KLHL1: variants seen among roughly 807,000 people sequenced by gnomAD.
KLHL1 encodes the protein kelch like family member 1.
KLHL1 carries 47 observed loss-of-function variants against 77.7 expected under a neutral mutation model. The ratio of observed to expected loss-of-function variants is 0.60; its 90% CI spans 0.48 to 0.77. The LOEUF is 0.77. KLHL1 is among the 30% of genes least tolerant of loss of function. The pLI, the probability that KLHL1 is intolerant of heterozygous loss-of-function variation, is 0.00. For synonymous variants in KLHL1, 360 were observed against 325.2 expected (o/e 1.11, Z -1.15); for missense variants, 925 against 910.8 (o/e 1.02, Z -0.20).
intron 4 of KLHL1, among the ~76,000 whole-genome samples, chr13:69,900,467 C>T (rs1231205729): frequency 6.6e-6 from 1 of 152,294 alleles, no homozygotes; most frequent in African/African-American, 2.4e-5. Context: ...ATGTGGATTT[C>T]GGATTAGCGT....
At chr13:69,758,242 AT>A (rs1395469381) in intron 7 of KLHL1, among the ~76,000 whole-genome samples, 1 of 151,982 alleles carries the variant, frequency 6.6e-6, no homozygotes, top group Non-Finnish European at 1.5e-5. Context: ...AGATAAACCA[AT>A]TTTTACTTTT....
At chr13:69,714,714 C>A (rs1438627624) in intron 9 of KLHL1, among the ~76,000 whole-genome samples, 1 of 151,922 alleles carries the variant, frequency 6.6e-6, no homozygotes, top group East Asian at 1.9e-4. Context: ...CCACCTCAGC[C>A]TCCCAAGTAG....
At chr13:69,705,400 G>A (rs368848157) in intron 10 of KLHL1, among the ~76,000 whole-genome samples, 4 of 151,554 alleles carry the variant, frequency 2.6e-5, no homozygotes, top group African/African-American at 9.7e-5. Context: ...GCTAAACTGA[G>A]TTTTTTTCCA....
intron 2 of KLHL1, among the ~76,000 whole-genome samples, chr13:69,964,792 T>C (rs1884165600): frequency 6.6e-6 from 1 of 152,206 alleles, no homozygotes; most frequent in Non-Finnish European, 1.5e-5. Context: ...TATAAATATT[T>C]TGAATTATTT....
intron 5 of KLHL1, among the ~76,000 whole-genome samples, chr13:69,855,250 C>A (rs1372176261): frequency 6.6e-6 from 1 of 151,478 alleles, no homozygotes; most frequent in African/African-American, 2.4e-5. Context: ...GATGCCAGAA[C>A]GGCTGCTGGA....
rs750304738 is a variant in KLHL1 at position 69,740,488 on chromosome 13, C to T, written c.1708G>A (p.Val570Met). The change falls in exon 8 of 11, where the codon GTG becomes ATG. Residue 570 changes from valine to methionine, a missense_variant. Val to Met is a conservative substitution (Grantham distance 21). Transcript: ENST00000377844. ...GHDGWSYLNT[V>M]ERWDPQSQQW... ...TGACTCTGTGGATCCCACCTTTCCA[C>T]TGTATTCAGATAGCTCCAGCCATCA... 7 of 1,613,124 alleles carry T rather than the reference C, an allele frequency of 4.3e-6. No individual in the cohort carries two copies. Among genetic ancestry groups the T allele is most frequent in the Non-Finnish European group, 5.1e-6 (6 of 1,179,270 alleles).
chr13:69,926,700 C>T (rs1882824052), intron 4 of KLHL1, among the ~76,000 whole-genome samples: 2 of 151,914 alleles, frequency 1.3e-5, no homozygotes, highest in African/African-American at 2.4e-5. Flanking sequence ...GTAATCCCAG[C>T]ACTTTGGGAG....
intron 4 of KLHL1, among the ~76,000 whole-genome samples, chr13:69,932,286 T>A (rs1883026314): frequency 6.6e-6 from 1 of 151,724 alleles, no homozygotes; most frequent in Non-Finnish European, 1.5e-5. Context: ...AAGGGGGATT[T>A]TTGTATGTAT....
intron 2 of KLHL1, among the ~76,000 whole-genome samples, chr13:69,965,784 T>C (rs914902620): frequency 6.6e-6 from 1 of 152,168 alleles, no homozygotes; most frequent in South Asian, 2.1e-4. Context: ...GACTTATTTC[T>C]GAAATGGAGA....
chr13:70,049,579 C>T (rs1886581859), intron 1 of KLHL1, among the ~76,000 whole-genome samples: 1 of 152,092 alleles, frequency 6.6e-6, no homozygotes, highest in African/African-American at 2.4e-5. Context: ...TTATTACATA[C>T]TAATATAGGC....
intron 1 of KLHL1, among the ~76,000 whole-genome samples, chr13:70,092,149 T>G (rs1055763693): frequency 6.6e-6 from 1 of 152,166 alleles, no homozygotes; most frequent in Non-Finnish European, 1.5e-5. Context: ...TTTCAGCCTA[T>G]GCAATTGAGC....
chr13:69,882,943 G>C (rs868283151), intron 4 of KLHL1, among the ~76,000 whole-genome samples: 1 of 152,138 alleles, frequency 6.6e-6, no homozygotes, highest in Admixed American at 6.6e-5. Context: ...ATTCAAAAGA[G>C]AAAGAATAGG....
At chr13:69,983,980 G>A (rs1222078949) in intron 1 of KLHL1, among the ~76,000 whole-genome samples, 1 of 151,936 alleles carries the variant, frequency 6.6e-6, no homozygotes, top group African/African-American at 2.4e-5. Context: ...ACAACATCCC[G>A]ATCTCTCACT....
chr13:69,992,476 G>T (rs1411754063), intron 1 of KLHL1, among the ~76,000 whole-genome samples: 1 of 151,970 alleles, frequency 6.6e-6, no homozygotes, highest in Non-Finnish European at 1.5e-5. Context: ...AGGCTGTGTG[G>T]AGAAATATGT....
intron 6 of KLHL1, among the ~76,000 whole-genome samples, chr13:69,821,866 C>T (rs776714404): frequency 6.6e-6 from 1 of 151,982 alleles, no homozygotes; most frequent in Non-Finnish European, 1.5e-5. Flanking sequence ...TTAAGCTAAA[C>T]CATGGCAGGG....
At chr13:69,771,247 G>T (rs1593813320) in intron 7 of KLHL1, among the ~76,000 whole-genome samples, 2 of 143,444 alleles carry the variant, frequency 1.4e-5, no homozygotes, top group Non-Finnish European at 1.5e-5. Flanking sequence ...ACAACCCATT[G>T]TCTAACACCA....
In KLHL1 at chr13:69,708,086, A is replaced by G. The variant is rs1875708341; in HGVS notation, c.2016-290T>C. Among the ~76,000 whole-genome samples the G allele has an allele frequency of 2.6e-5, 4 of 151,984 alleles. No individual in the cohort carries two copies. In the South Asian group the frequency reaches 8.3e-4, roughly 31 times the overall value. ...AAAAGTGTCAGATATATAAATAACT[A>G]TTATCCACAGTAGAATTAGGGTATT... On this transcript the variant is annotated intron_variant, in intron 9 of 10. Coordinates refer to ENST00000377844, the MANE Select transcript of KLHL1 (RefSeq NM_020866.3).
intron 4 of KLHL1, among the ~76,000 whole-genome samples, chr13:69,931,521 T>A (rs563338598): frequency 1.3e-5 from 2 of 151,914 alleles, no homozygotes; most frequent in Admixed American, 1.3e-4. Flanking sequence ...CTTTTCTACT[T>A]ACTATTATCC....
At chr13:69,826,569 A>G (rs1314575996) in intron 6 of KLHL1, among the ~76,000 whole-genome samples, 1 of 150,440 alleles carries the variant, frequency 6.6e-6, no homozygotes, top group Non-Finnish European at 1.5e-5. Flanking sequence ...AACAAGAGCA[A>G]AACTGTCTCA....
Sources: allele counts gnomAD v4.1 joint callset (sites outside exome capture counted in the v4.1 genomes callset), GRCh38; gene constraint gnomAD v4.1.1; transcripts MANE v1.5; gene names NCBI Gene and HGNC (gene_info 2026-07-23, HGNC 2026-07-21).